SCNN1B: variants seen among roughly 807,000 people sequenced by gnomAD.
SCNN1B encodes the protein epithelial sodium channel subunit beta.
A neutral mutation model predicts 65.3 loss-of-function variants in SCNN1B; 46 were observed. The observed-to-expected ratio is 0.70, with a 90% CI of 0.56 to 0.90. The LOEUF (loss-of-function observed/expected upper bound fraction) is 0.90, where lower values mean the gene tolerates loss of function less well. SCNN1B is among the 40% of genes least tolerant of loss of function. The pLI is 0.00. For synonymous variants in SCNN1B, 349 were observed against 330.6 expected, an observed-to-expected ratio of 1.06 and a Z score of -0.60; for missense variants, 751 against 830.5, an observed-to-expected ratio of 0.90 and a Z score of 1.18.
intron 1 of SCNN1B, among the ~76,000 whole-genome samples, chr16:23,308,820 A>T (rs562208647): frequency 6.6e-4 from 101 of 152,154 alleles, no homozygotes; most frequent in African/African-American, 2.4e-3. Flanking sequence ...TTTTGTAGAG[A>T]TGGGGTTTCA....
chr16:23,346,618 A>C (rs1180679918), intron 1 of SCNN1B, among the ~76,000 whole-genome samples: 1 of 151,940 alleles, frequency 6.6e-6, no homozygotes, highest in Non-Finnish European at 1.5e-5. Context: ...TCTTTAACAC[A>C]GTCCACAAGC....
At chr16:23,306,606 T>C (rs1961225251) in intron 1 of SCNN1B, among the ~76,000 whole-genome samples, 1 of 152,190 alleles carries the variant, frequency 6.6e-6, no homozygotes, top group African/African-American at 2.4e-5. Flanking sequence ...ATACCTTTTC[T>C]GGCCAAGGAC....
chr16:23,291,316 A>C (rs1044397561), intron 2 of SCNN1B, among the ~76,000 whole-genome samples: 2 of 151,774 alleles, frequency 1.3e-5, no homozygotes, highest in African/African-American at 2.4e-5. Flanking sequence ...ACCTGCCTCA[A>C]CCTCCCAAAG....
rs1567321358 is a variant in SCNN1B at position 23,380,266 on chromosome 16, G to A, written c.1542+97G>A. On this transcript the variant is annotated intron_variant, in intron 12 of 12. Transcript: ENST00000343070. The surrounding 1 kb of genome is among the most constrained non-coding windows in gnomAD (Gnocchi z 5.4). ...GGTTCTGAGCCCTATGAAGGAATTAGGAAGATCCCTAAGACAGTCCCAAGT... is the reference window on the plus strand; with the variant it reads ...GGTTCTGAGCCCTATGAAGGAATTAAGAAGATCCCTAAGACAGTCCCAAGT... 1 of 1,498,208 alleles carries A rather than the reference G, an allele frequency of 6.7e-7. No individual in the cohort carries two copies. Among genetic ancestry groups the A allele is most frequent in the Non-Finnish European group, 9.3e-7 (1 of 1,075,900 alleles). The allele number at this position is 1,498,208 out of a possible 1,614,324, so 92.8% of individuals were successfully genotyped here. A position where few individuals can be genotyped will look rare whatever the true frequency, so the allele number is the denominator to read the frequency against.
intron 1 of SCNN1B, among the ~76,000 whole-genome samples, chr16:23,309,250 G>C (rs1961286941): frequency 2.0e-5 from 3 of 151,970 alleles, no homozygotes; most frequent in South Asian, 4.2e-4. Flanking sequence ...CCCACCTGAG[G>C]GCCTGGGGCA....
chr16:23,297,235 A>T (rs1961011786), intron 2 of SCNN1B, among the ~76,000 whole-genome samples: 2 of 152,132 alleles, frequency 1.3e-5, no homozygotes, highest in African/African-American at 4.8e-5. Context: ...AGCCTCACTC[A>T]CTGTTGGACT....
chr16:23,297,092 C>T (rs544464406), intron 2 of SCNN1B, among the ~76,000 whole-genome samples: 59 of 152,196 alleles, frequency 3.9e-4, no homozygotes, highest in Middle Eastern at 3.4e-3. Flanking sequence ...AGAGACCCAG[C>T]GCCTGGGGGC....
Position 23,302,380 on chromosome 16 carries a change from G to C in SCNN1B, c.-66G>C, listed in dbSNP as rs892205883. The C allele has an allele frequency of 6.2e-6, 1 of 160,712 alleles. No individual in the cohort carries two copies. The highest frequency in any genetic ancestry group is 1.3e-5 in the Non-Finnish European group (1 of 74,078). 10.0% of individuals were successfully genotyped at this position (160,712 alleles called of 1,614,324 possible). A position where few individuals can be genotyped will look rare whatever the true frequency, so the allele number is the denominator to read the frequency against. Reference sequence around the variant, plus strand: ...CGCCGCCAGCTTGGCGCGCACCGCCGCCTCCGCCACCGCCGACAGCGCGCA... The same window carrying C: ...CGCCGCCAGCTTGGCGCGCACCGCCCCCTCCGCCACCGCCGACAGCGCGCA... On this transcript the variant is annotated 5_prime_UTR_variant, in exon 1 of 13. Transcript: ENST00000343070.
At chr16:23,310,264 A>C (rs1316235041) in intron 1 of SCNN1B, among the ~76,000 whole-genome samples, 2 of 148,506 alleles carry the variant, frequency 1.3e-5, no homozygotes, top group Admixed American at 1.4e-4. Flanking sequence ...GTCTGACTAC[A>C]TAAAAGTTAG....
chr16:23,343,639 GAAAGAAAGAAAA>G (rs1171085663), intron 1 of SCNN1B, among the ~76,000 whole-genome samples: 19 of 99,586 alleles, frequency 1.9e-4, no homozygotes, highest in Admixed American at 8.1e-4. Flanking sequence ...AAGAAAGAAA[GAAAGAAAGAAAA>G]AAAGAAAGGA....
At chr16:23,341,068 G>A (rs1018723325) in intron 1 of SCNN1B, among the ~76,000 whole-genome samples, 17 of 152,150 alleles carry the variant, frequency 1.1e-4, no homozygotes, top group African/African-American at 3.9e-4. Context: ...TAGAGATTAC[G>A]TGTGAGTTGA....
At chr16:23,367,762 C>A in intron 4 of SCNN1B, 94 bp from the exon 5 acceptor site, 1 of 993,980 alleles carries the variant, frequency 1.0e-6, no homozygotes, top group Non-Finnish European at 1.6e-6. Flanking sequence ...TTTCGGAGCC[C>A]CTCCAAGGAG....
intron 7 of SCNN1B, among the ~76,000 whole-genome samples, chr16:23,373,676 G>C (rs1048198861): frequency 3.3e-5 from 5 of 152,200 alleles, no homozygotes; most frequent in African/African-American, 1.2e-4. Context: ...CAGTGTCTGG[G>C]TGCCCGAGCA....
chr16:23,356,926 G>A (rs1232144615), intron 4 of SCNN1B, among the ~76,000 whole-genome samples: 1 of 152,204 alleles, frequency 6.6e-6, no homozygotes, highest in Non-Finnish European at 1.5e-5. Context: ...GCTGGCAGAA[G>A]CACGTGGGAA....
upstream of SCNN1B, among the ~76,000 whole-genome samples, chr16:23,301,142 T>C (rs952295463): frequency 2.0e-5 from 3 of 151,860 alleles, no homozygotes; most frequent in African/African-American, 4.8e-5. Context: ...GGCGGGTGGA[T>C]CACTTGAGTC....
intron 4 of SCNN1B, among the ~76,000 whole-genome samples, chr16:23,358,037 T>TC (rs1962456267): frequency 6.6e-6 from 1 of 152,168 alleles, no homozygotes; most frequent in Non-Finnish European, 1.5e-5. Flanking sequence ...TGCTGTCAAC[T>TC]CCCTACCCAT....
chr16:23,355,523 C>G (rs757951493), intron 4 of SCNN1B, 34 bp downstream of exon 4: 1 of 1,608,510 alleles, frequency 6.2e-7, no homozygotes, highest in South Asian at 1.1e-5. Context: ...CGGCCAGGCC[C>G]TGGCACCGAG....
intron 4 of SCNN1B, among the ~76,000 whole-genome samples, chr16:23,366,861 G>A (rs1246323352): frequency 6.6e-6 from 1 of 152,186 alleles, no homozygotes; most frequent in Admixed American, 6.5e-5. Flanking sequence ...GAACAACATA[G>A]AAACATCAAG....
chr16:23,290,279 T>G (rs1960905037), intron 2 of SCNN1B, among the ~76,000 whole-genome samples: 1 of 152,162 alleles, frequency 6.6e-6, no homozygotes, highest in Non-Finnish European at 1.5e-5. Flanking sequence ...ATTGAAATTA[T>G]TATTAGCAAC....
Sources: gnomAD v4.1 joint callset for allele counts (sites outside exome capture counted in the v4.1 genomes callset) on GRCh38, gnomAD v4.1.1 for gene constraint, Gnocchi (gnomAD v3.1) non-coding constraint, MANE v1.5 for transcripts, NCBI Gene and HGNC (gene_info 2026-07-23, HGNC 2026-07-21) for gene names.